TBC1D15: variants seen among roughly 807,000 people sequenced by gnomAD.
TBC1D15 encodes GAP for RAB7.
Under a neutral mutation model 95.4 loss-of-function variants are expected in TBC1D15, and 39 were observed. The ratio of observed to expected loss-of-function variants is 0.41; its 90% CI spans 0.32 to 0.53. The LOEUF (loss-of-function observed/expected upper bound fraction) is 0.53. TBC1D15 is among the 20% of genes least tolerant of loss of function. The pLI, the probability that TBC1D15 is intolerant of heterozygous loss-of-function variation, is 0.29. For missense variants in TBC1D15, 733 were observed against 794.3 expected, an observed-to-expected ratio of 0.92 and a Z score of 0.93; for synonymous variants, 258 against 261.3, an observed-to-expected ratio of 0.99 and a Z score of 0.12.
intron 1 of TBC1D15, chr12:71,850,409 T>C (rs574647025): frequency 7.4e-6 from 2 of 268,928 alleles, no homozygotes; most frequent in South Asian, 7.8e-5. Context: ...TCTGAGCAGG[T>C]TGGCTGCACA....
At chr12:71,895,830 T>G in intron 7 of TBC1D15, 117 bp from the exon 8 acceptor site, 1 of 977,488 alleles carries the variant, frequency 1.0e-6, no homozygotes. Context: ...TAAGGAACAA[T>G]CTTAAAAGTA....
At chr12:71,878,854 A>G (rs924733012) in intron 3 of TBC1D15, among the ~76,000 whole-genome samples, 10 of 151,934 alleles carry the variant, frequency 6.6e-5, no homozygotes, top group Non-Finnish European at 1.2e-4. Context: ...TAGTCAAACA[A>G]GAAATGACAT....
chr12:71,890,876 CT>C, intron 5 of TBC1D15, among the ~76,000 whole-genome samples: 1 of 152,044 alleles, frequency 6.6e-6, no homozygotes, highest in Non-Finnish European at 1.5e-5. Flanking sequence ...TTTTTCTTAC[CT>C]TTCTGAAACC....
At chr12:71,874,717 G>C (rs927113662) in intron 3 of TBC1D15, among the ~76,000 whole-genome samples, 2 of 147,228 alleles carry the variant, frequency 1.4e-5, no homozygotes, top group Non-Finnish European at 3.0e-5. Context: ...CTACCTCCCA[G>C]GTTCAAACAA....
intron 14 of TBC1D15, among the ~76,000 whole-genome samples, chr12:71,920,109 G>C (rs1328448173): frequency 6.6e-6 from 1 of 152,080 alleles, no homozygotes; most frequent in African/African-American, 2.4e-5. Flanking sequence ...ATGAAGCAGG[G>C]GGAAATTAAG....
intron 6 of TBC1D15, chr12:71,894,359 C>T (rs1408169664): frequency 6.2e-7 from 1 of 1,612,796 alleles, no homozygotes; most frequent in South Asian, 1.1e-5. Flanking sequence ...CTGTTGTGGG[C>T]CATTCACCAC....
intron 4 of TBC1D15, among the ~76,000 whole-genome samples, chr12:71,884,494 A>G (rs931016178): frequency 6.6e-6 from 1 of 152,202 alleles, no homozygotes; most frequent in African/African-American, 2.4e-5. Flanking sequence ...TCATTCAGTT[A>G]GTAAGATGGT....
intron 3 of TBC1D15, among the ~76,000 whole-genome samples, chr12:71,879,464 C>A (rs986072306): frequency 6.6e-6 from 1 of 152,134 alleles, no homozygotes; most frequent in African/African-American, 2.4e-5. Flanking sequence ...TAATGTATAT[C>A]TTTCCAGACT....
At chr12:71,911,031 A>C (rs1902139722) in intron 11 of TBC1D15, among the ~76,000 whole-genome samples, 1 of 152,228 alleles carries the variant, frequency 6.6e-6, no homozygotes, top group Admixed American at 6.5e-5. Flanking sequence ...AATGCTCACC[A>C]TCACTGGCCA....
chr12:71,857,621 G>A (rs1290404474), intron 1 of TBC1D15, among the ~76,000 whole-genome samples: 5 of 152,144 alleles, frequency 3.3e-5, no homozygotes, highest in African/African-American at 1.2e-4. Context: ...GGGGTACAGT[G>A]TGATAATCTG....
chr12:71,839,915 C>A, intron 1 of TBC1D15, 104 bp downstream of exon 1: 1 of 1,431,150 alleles, frequency 7.0e-7, no homozygotes, highest in South Asian at 1.2e-5. Context: ...TTTCTGTGTC[C>A]GGACAACCCG....
Position 71,893,293 on chromosome 12 carries a change from T to G in TBC1D15, c.626T>G (p.Leu209Arg). The G allele has an allele frequency of 6.2e-7, 1 of 1,610,298 alleles. No individual in the cohort carries two copies. Among genetic ancestry groups the G allele is most frequent in the Non-Finnish European group, 8.5e-7 (1 of 1,177,898 alleles). The change falls in exon 6 of 17, where the codon CTT (leucine) becomes CGT (arginine). Residue 209 changes from leucine (L) to arginine (R), a missense_variant. Leu to Arg is a moderately radical substitution (Grantham distance 102). Coordinates refer to ENST00000485960, the MANE Select transcript of TBC1D15 (RefSeq NM_001146213.3). ...NKSLSQSFENLLDEPAYGLIQ... is the reference protein window; with the variant it reads ...NKSLSQSFENRLDEPAYGLIQ... ...AGTCTTTCACAGTCTTTTGAAAATC[T>G]TCTTGATGAGCCAGCATATGGTTTA...
intron 10 of TBC1D15, among the ~76,000 whole-genome samples, chr12:71,899,669 G>T (rs1369121011): frequency 6.6e-6 from 1 of 152,194 alleles, no homozygotes; most frequent in Non-Finnish European, 1.5e-5. Context: ...TTTTAAGGAA[G>T]AGTATTTTAT....
At chr12:71,882,998 A>G (rs1038188797) in intron 4 of TBC1D15, among the ~76,000 whole-genome samples, 1 of 152,148 alleles carries the variant, frequency 6.6e-6, no homozygotes, top group African/African-American at 2.4e-5. Context: ...CTGATAATTC[A>G]TATAGCATAC....
At chr12:71,879,381 C>T (rs535436951) in intron 3 of TBC1D15, among the ~76,000 whole-genome samples, 40 of 152,230 alleles carry the variant, frequency 2.6e-4, no homozygotes, top group East Asian at 2.5e-3. Flanking sequence ...GTGATCCACC[C>T]GCTTCGGTCT....
chr12:71,867,991 TAA>T (rs1891847608), intron 1 of TBC1D15, among the ~76,000 whole-genome samples: 2 of 152,220 alleles, frequency 1.3e-5, no homozygotes, highest in South Asian at 4.1e-4. Flanking sequence ...TTATAAAATA[TAA>T]GACTTTGTAA....
In TBC1D15 at chr12:71,854,768, C is replaced by G. The variant is rs142494987; in HGVS notation, c.30+14957C>G. 219 of 456,672 alleles carry G rather than the reference C, an allele frequency of 4.8e-4. 2 individuals carry two copies. The East Asian group carries it at 0.014, about 30-fold the overall frequency. The allele number at this position is 456,672 out of a possible 1,614,324, so 28.3% of individuals were successfully genotyped here. On this transcript the variant is annotated intron_variant, in intron 1 of 16. Coordinates refer to ENST00000485960, the MANE Select transcript of TBC1D15 (RefSeq NM_001146213.3). Reference sequence around the variant, plus strand: ...CCAAAACAATTGCATTCCTCTCCCCCCCACCTTCTTTTGCAGATTCGCTTG... The same window carrying G: ...CCAAAACAATTGCATTCCTCTCCCCGCCACCTTCTTTTGCAGATTCGCTTG...
chr12:71,883,210 G>C (rs1054913119), intron 4 of TBC1D15, among the ~76,000 whole-genome samples: 1 of 151,466 alleles, frequency 6.6e-6, no homozygotes, highest in Non-Finnish European at 1.5e-5. Context: ...TCTGTTCTAG[G>C]TAGTCTAAGT....
chr12:71,840,108 T>C (rs1281098685), intron 1 of TBC1D15, among the ~76,000 whole-genome samples: 2 of 152,194 alleles, frequency 1.3e-5, no homozygotes, highest in Non-Finnish European at 2.9e-5. Flanking sequence ...CTCTAGTTCC[T>C]TTTTTCCCCC....
Sources: allele counts gnomAD v4.1 joint callset (sites outside exome capture counted in the v4.1 genomes callset), GRCh38; gene constraint gnomAD v4.1.1; transcripts MANE v1.5; gene names NCBI Gene and HGNC (gene_info 2026-07-23, HGNC 2026-07-21).